The following CEP120 variants were observed in gnomAD, a reference collection of about 807,000 sequenced individuals.
CEP120 encodes the protein centrosomal protein of 120 kDa.
A neutral mutation model predicts 126.5 loss-of-function variants in CEP120; 113 were observed. The observed-to-expected ratio is 0.89, with a 90% CI of 0.77 to 1.04. The LOEUF is 1.04. Among genes scored for constraint, CEP120 ranks in the 50% least tolerant of loss-of-function variants. CEP120 has a pLI of 0.00. For synonymous variants in CEP120, 400 were observed against 394.3 expected (o/e 1.01, Z -0.17); for missense variants, 1,230 against 1,155.7 (o/e 1.06, Z -0.93).
intron 5 of CEP120, among the ~76,000 whole-genome samples, chr5:123,398,191 TA>T (rs138827042): frequency 1.0e-3 from 151 of 151,728 alleles, no homozygotes; most frequent in African/African-American, 3.6e-3. Context: ...CAGAACAACA[TA>T]ATGTCAAGAA....
intron 1 of CEP120, chr5:123,422,365 CTTAGCTTT>C (rs1162507752): frequency 2.6e-6 from 2 of 767,494 alleles, no homozygotes; most frequent in Non-Finnish European, 4.2e-6. Flanking sequence ...TTGCTACATC[CTTAGCTTT>C]TTAGAATCAG....
chr5:123,397,331 AT>A (rs1311291361), intron 5 of CEP120, among the ~76,000 whole-genome samples: 1 of 152,250 alleles, frequency 6.6e-6, no homozygotes, highest in African/African-American at 2.4e-5. Context: ...CCTCAAAAAA[AT>A]AAAAATAAAA....
intron 18 of CEP120, among the ~76,000 whole-genome samples, chr5:123,360,925 T>TAAAAA (rs1453626779): frequency 6.6e-6 from 1 of 151,826 alleles, no homozygotes; most frequent in Admixed American, 6.6e-5. Flanking sequence ...GTGAAAAACT[T>TAAAAA]AAAGAATGTA....
rs560737688 is a variant in CEP120 at position 123,378,357 on chromosome 5, C to G, written c.2175G>C (p.Gln725His). ...ATACCTCTGATTCCACACTAGCAAGCTGCTGCTCTCGCTTCTCCAAGTCAA... is the reference window on the plus strand; with the variant it reads ...ATACCTCTGATTCCACACTAGCAAGGTGCTGCTCTCGCTTCTCCAAGTCAA... ...TLIDLEKREQ[Q>H]LASVESELQR... Residue 725 changes from glutamine to histidine, a missense_variant, in exon 15 of 20, where the codon CAG (glutamine) becomes CAC (histidine). By Grantham distance (24) the Gln-to-His change is conservative (BLOSUM62 0). Transcript: ENST00000306467. The G allele has an allele frequency of 1.2e-5, 19 of 1,607,334 alleles. 1 individual carries two copies. In the South Asian group the frequency reaches 1.9e-4, roughly 16 times the overall value.
rs1772162170 is a variant in CEP120 at position 123,388,371 on chromosome 5, C to T, written c.1430+61G>A. 1.2e-5 allele frequency: 14 copies of T among 1,210,240 alleles called. No individual in the cohort carries two copies. The South Asian group carries it at 1.4e-4, about 12-fold the overall frequency. 75.0% of individuals were successfully genotyped at this position (1,210,240 alleles called of 1,614,324 possible). On this transcript the variant is annotated intron_variant, in intron 9 of 19. Transcript: ENST00000306467. ...GGTGACATTTCTCTCTGCAATTCCC[C>T]AAACACAGGAAAGTCCTTTCTCTTC...
At position 123,408,576 on chromosome 5, in the gene CEP120, T is replaced by C. The variant is rs180817075; in HGVS notation, c.463+3823A>G. 1.6e-3 allele frequency among the ~76,000 whole-genome samples: 237 copies of C among 152,138 alleles called. 3 individuals are homozygous for C. Among genetic ancestry groups the C allele is most frequent in the African/African-American group, 4.7e-3 (197 of 41,490 alleles). ...ATGCCAAAACTCATACAAGAGTAAATAGACAATCTGAATAGGCCTATTATC... is the reference window on the plus strand; with the variant it reads ...ATGCCAAAACTCATACAAGAGTAAACAGACAATCTGAATAGGCCTATTATC... On this transcript the variant is annotated intron_variant, in intron 4 of 19. Coordinates refer to ENST00000306467, the MANE Select transcript of CEP120 (RefSeq NM_001375405.1).
intron 17 of CEP120, among the ~76,000 whole-genome samples, chr5:123,368,308 A>G (rs1419178303): frequency 6.6e-6 from 1 of 151,978 alleles, no homozygotes; most frequent in Non-Finnish European, 1.5e-5. Context: ...AAGTACTCTT[A>G]GACACCCACA....
intron 4 of CEP120, among the ~76,000 whole-genome samples, chr5:123,405,636 T>C (rs894541296): frequency 2.0e-5 from 3 of 152,078 alleles, no homozygotes; most frequent in African/African-American, 7.2e-5. Context: ...TGAGAAGCAA[T>C]GGTGAAGTTC....
In CEP120 at chr5:123,411,283, G is replaced by A. The variant is rs187418271; in HGVS notation, c.463+1116C>T. 1.5e-3 allele frequency among the ~76,000 whole-genome samples: 222 copies of A among 152,230 alleles called. 1 individual carries two copies. The highest frequency in any genetic ancestry group is 5.2e-3 in the African/African-American group (217 of 41,542). On this transcript the variant is annotated intron_variant, in intron 4 of 19. Coordinates refer to ENST00000306467, the MANE Select transcript of CEP120 (RefSeq NM_001375405.1). ...GAAGGCAGTGTGGATATTTCTTACA[G>A]AACTAAACATACTCTTACCACATGA...
intron 9 of CEP120, 70 bp downstream of exon 9, chr5:123,388,362 G>T: frequency 1.9e-6 from 2 of 1,065,244 alleles, no homozygotes; most frequent in Non-Finnish European, 2.6e-6. Flanking sequence ...ATTTCTCTCT[G>T]CAATTCCCCA....
chr5:123,389,375 A>G (rs1772237314), intron 8 of CEP120, among the ~76,000 whole-genome samples: 1 of 152,244 alleles, frequency 6.6e-6, no homozygotes, highest in South Asian at 2.1e-4. Flanking sequence ...TTTAATGTCT[A>G]TTGAATAGGA....
Position 123,349,941 on chromosome 5 carries a change from T to A in CEP120, c.2726+3A>T. 1 of 1,612,542 alleles carries A rather than the reference T, an allele frequency of 6.2e-7. No homozygotes were observed. The highest frequency in any genetic ancestry group is 8.5e-7 in the Non-Finnish European group (1 of 1,179,490). On this transcript the variant is annotated splice_donor_region_variant and intron_variant, in intron 19 of 19. Transcript: ENST00000306467. ...TTGAAAGAAACACTTTTAGTTATTA[T>A]ACCTGTTCAATTCATTTCTTATATC...
At chr5:123,362,360 G>C (rs1770145416) in intron 18 of CEP120, among the ~76,000 whole-genome samples, 1 of 151,702 alleles carries the variant, frequency 6.6e-6, no homozygotes, top group Admixed American at 6.6e-5. Context: ...AATGGACTAA[G>C]ACCATATCAT....
chr5:123,368,326 A>T (rs10477644), intron 17 of CEP120, among the ~76,000 whole-genome samples: 104,596 of 151,724 alleles, frequency 0.69, 36,184 homozygotes, highest in Middle Eastern at 0.72. Context: ...ACATAATAGA[A>T]CTTGGGAGAA....
intron 4 of CEP120, 22 bp downstream of exon 4, chr5:123,412,377 T>C: frequency 6.3e-7 from 1 of 1,585,824 alleles, no homozygotes; most frequent in Non-Finnish European, 8.6e-7. Flanking sequence ...TCAGAGAATG[T>C]TTTTAGAGAT....
At chr5:123,366,946 A>C (rs964412212) in intron 17 of CEP120, among the ~76,000 whole-genome samples, 12 of 151,638 alleles carry the variant, frequency 7.9e-5, no homozygotes, top group African/African-American at 2.7e-4. Context: ...TTACTTCCTG[A>C]GGCTGCCAAT....
At chr5:123,372,979 A>G (rs1332682673) in intron 16 of CEP120, among the ~76,000 whole-genome samples, 1 of 152,136 alleles carries the variant, frequency 6.6e-6, no homozygotes, top group Non-Finnish European at 1.5e-5. Flanking sequence ...ACTTTTGAAG[A>G]GTATGAAATT....
chr5:123,409,004 C>G (rs765516821), intron 4 of CEP120, among the ~76,000 whole-genome samples: 3 of 152,010 alleles, frequency 2.0e-5, no homozygotes, highest in African/African-American at 7.3e-5. Context: ...CCCAGGAGTT[C>G]GAGACCAGTC....
chr5:123,357,164 C>T (rs1769695222), intron 18 of CEP120, among the ~76,000 whole-genome samples: 1 of 152,040 alleles, frequency 6.6e-6, no homozygotes, highest in Admixed American at 6.6e-5. Context: ...ATCATTGCTC[C>T]TTTGAAGGCA....
Sources: allele counts gnomAD v4.1 joint callset (sites outside exome capture counted in the v4.1 genomes callset), GRCh38; gene constraint gnomAD v4.1.1; transcripts MANE v1.5; gene names NCBI Gene and HGNC (gene_info 2026-07-23, HGNC 2026-07-21).